VEPH1: variants seen among roughly 807,000 people sequenced by gnomAD.
VEPH1 encodes the protein ventricular zone-expressed PH domain-containing protein homolog 1.
Under a neutral mutation model 85.2 loss-of-function variants are expected in VEPH1, and 80 were observed. The observed-to-expected ratio is 0.94, with a 90% CI of 0.78 to 1.13. VEPH1 has a LOEUF of 1.13. Among genes scored for constraint, VEPH1 ranks in the 50% most tolerant of loss-of-function variants. The probability of loss-of-function intolerance (pLI) is 0.00; values close to 1 mark genes in which losing one functional copy is unlikely to be tolerated. For missense variants in VEPH1, 955 were observed against 980.5 expected, an observed-to-expected ratio of 0.97 and a Z score of 0.35; for synonymous variants, 297 against 348.0, an observed-to-expected ratio of 0.85 and a Z score of 1.63.
rs576298766 is a variant in VEPH1 at position 157,458,097 on chromosome 3, G to A, written c.529+2084C>T. Among the ~76,000 whole-genome samples, 134 of 152,304 alleles carry A rather than the reference G, an allele frequency of 8.8e-4. 4 individuals are homozygous for A. In the South Asian group the frequency reaches 0.027, roughly 31 times the overall value. Reference sequence around the variant, plus strand: ...TTCTTACTGGTTAGGTCTTAAGGGTGTATGTGCCCAGGAATTTATTAGTTT... The same window carrying A: ...TTCTTACTGGTTAGGTCTTAAGGGTATATGTGCCCAGGAATTTATTAGTTT... On this transcript the variant is annotated intron_variant, in intron 4 of 13. Coordinates refer to ENST00000362010, the MANE Select transcript of VEPH1 (RefSeq NM_001167912.2).
At chr3:157,325,070 T>G (rs1418970277) in intron 9 of VEPH1, among the ~76,000 whole-genome samples, 1 of 152,240 alleles carries the variant, frequency 6.6e-6, no homozygotes, top group East Asian at 1.9e-4. Context: ...GGTTTTGATG[T>G]GCACTTCTCT....
chr3:157,280,912 A>T (rs1716015318), intron 12 of VEPH1, among the ~76,000 whole-genome samples: 1 of 152,210 alleles, frequency 6.6e-6, no homozygotes, highest in Non-Finnish European at 1.5e-5. Context: ...ACTGGTTAAG[A>T]TGTACAAAGA....
chr3:157,441,155 C>T (rs1734088003), intron 4 of VEPH1, among the ~76,000 whole-genome samples: 1 of 152,188 alleles, frequency 6.6e-6, no homozygotes, highest in East Asian at 1.9e-4. Context: ...GATTCTAGCC[C>T]TCCTAGAGAA....
intron 12 of VEPH1, among the ~76,000 whole-genome samples, chr3:157,266,893 T>C (rs1286954104): frequency 2.6e-5 from 4 of 152,160 alleles, no homozygotes; most frequent in Non-Finnish European, 5.9e-5. Flanking sequence ...TTGAAAGTAA[T>C]AAAATTTGTT....
chr3:157,272,358 TTCTTTCTTTC>T (rs1714729494), intron 12 of VEPH1, among the ~76,000 whole-genome samples: 1 of 122,678 alleles, frequency 8.2e-6, no homozygotes, highest in Non-Finnish European at 1.9e-5. Flanking sequence ...TTCTCTCTCT[TTCTTTCTTTC>T]TCTTTCTTTT....
At chr3:157,451,387 T>C (rs1282306822) in intron 4 of VEPH1, among the ~76,000 whole-genome samples, 1 of 152,178 alleles carries the variant, frequency 6.6e-6, no homozygotes, top group Non-Finnish European at 1.5e-5. Flanking sequence ...CTTTTACAAT[T>C]ACCACTTACT....
chr3:157,357,463 C>T, intron 9 of VEPH1, among the ~76,000 whole-genome samples: 1 of 152,040 alleles, frequency 6.6e-6, no homozygotes, highest in Non-Finnish European at 1.5e-5. Context: ...AGACAAACAA[C>T]ATACTCCTTT....
At chr3:157,289,582 C>G (rs927000170) in intron 11 of VEPH1, among the ~76,000 whole-genome samples, 3 of 152,178 alleles carry the variant, frequency 2.0e-5, no homozygotes, top group African/African-American at 7.2e-5. Context: ...CAAACACAAA[C>G]CAACAACCAG....
At chr3:157,479,295 T>C (rs1309296962) in intron 2 of VEPH1, among the ~76,000 whole-genome samples, 1 of 152,226 alleles carries the variant, frequency 6.6e-6, no homozygotes, top group South Asian at 2.1e-4. Context: ...CACAGTGACC[T>C]AGCCATTGTC....
chr3:157,373,896 G>A (rs953120700), intron 7 of VEPH1, among the ~76,000 whole-genome samples: 2 of 152,112 alleles, frequency 1.3e-5, no homozygotes, highest in African/African-American at 2.4e-5. Flanking sequence ...ACCCTACTGT[G>A]TCCTTACATG....
chr3:157,470,894 A>G (rs1736887198), intron 2 of VEPH1, among the ~76,000 whole-genome samples: 2 of 152,162 alleles, frequency 1.3e-5, no homozygotes, highest in African/African-American at 2.4e-5. Flanking sequence ...ACTTTTGTGA[A>G]ATGTTTCAAA....
chr3:157,376,553 A>T (rs774767958), intron 7 of VEPH1, among the ~76,000 whole-genome samples: 12 of 152,240 alleles, frequency 7.9e-5, no homozygotes, highest in Non-Finnish European at 1.6e-4. Flanking sequence ...GAATTAATTT[A>T]AAAAATATAA....
At chr3:157,291,412 C>T (rs1282483340) in intron 11 of VEPH1, among the ~76,000 whole-genome samples, 3 of 152,110 alleles carry the variant, frequency 2.0e-5, no homozygotes, top group Non-Finnish European at 4.4e-5. Flanking sequence ...AAATAAACAG[C>T]AAAAGAGACT....
intron 7 of VEPH1, among the ~76,000 whole-genome samples, chr3:157,379,804 G>T (rs1025617905): frequency 1.3e-5 from 2 of 152,122 alleles, no homozygotes; most frequent in Non-Finnish European, 2.9e-5. Flanking sequence ...TGGAGATGGG[G>T]TCGAGTCCAT....
At chr3:157,362,388 C>T (rs1577445794) in intron 9 of VEPH1, among the ~76,000 whole-genome samples, 1 of 152,136 alleles carries the variant, frequency 6.6e-6, no homozygotes, top group East Asian at 1.9e-4. Flanking sequence ...GTCCTGGCCC[C>T]TGACATCCTG....
chr3:157,455,117 G>C (rs969638727), intron 4 of VEPH1, among the ~76,000 whole-genome samples: 2 of 152,106 alleles, frequency 1.3e-5, no homozygotes, highest in African/African-American at 4.8e-5. Context: ...CCCAGCAGTA[G>C]AATTGCTGGG....
chr3:157,309,666 T>A (rs1018067319), intron 11 of VEPH1, among the ~76,000 whole-genome samples: 3 of 152,030 alleles, frequency 2.0e-5, no homozygotes, highest in Non-Finnish European at 4.4e-5. Flanking sequence ...TTTTTATATA[T>A]TAAAAATATT....
intron 6 of VEPH1, among the ~76,000 whole-genome samples, chr3:157,412,488 G>A (rs571709505): frequency 1.3e-5 from 2 of 152,128 alleles, no homozygotes; most frequent in Non-Finnish European, 2.9e-5. Context: ...CACCTCAGAG[G>A]TTGAATTTTT....
At chr3:157,333,028 A>G (rs2108610351) in intron 9 of VEPH1, among the ~76,000 whole-genome samples, 1 of 152,310 alleles carries the variant, frequency 6.6e-6, no homozygotes, top group East Asian at 1.9e-4. Context: ...TTACAATTAC[A>G]GAAAAGTGTT....
Sources: gnomAD v4.1 joint callset for allele counts (sites outside exome capture counted in the v4.1 genomes callset) on GRCh38, gnomAD v4.1.1 for gene constraint, MANE v1.5 for transcripts, NCBI Gene and HGNC (gene_info 2026-07-23, HGNC 2026-07-21) for gene names.